FASTKD1: variants seen among roughly 807,000 people sequenced by gnomAD.
The protein encoded by FASTKD1 is FAST kinase domains 1.
Under a neutral mutation model 90.9 loss-of-function variants are expected in FASTKD1, and 94 were observed. That is an observed-to-expected ratio of 1.03 (90% CI 0.88 to 1.23). The LOEUF (loss-of-function observed/expected upper bound fraction) is 1.23, where lower values mean the gene tolerates loss of function less well. Among genes scored for constraint, FASTKD1 ranks in the 50% most tolerant of loss-of-function variants. FASTKD1 has a pLI of 0.00. For missense variants in FASTKD1, 945 were observed against 993.5 expected, an observed-to-expected ratio of 0.95 and a Z score of 0.66; for synonymous variants, 319 against 345.8, an observed-to-expected ratio of 0.92 and a Z score of 0.86.
chr2:169,544,743 C>CA lies in FASTKD1; in HGVS notation c.1793dup (p.Gln599AlafsTer4). ...TACCTAAGTAAGAATTAAGATGTTG[C>CA]ACGCAAGTTCCCAAAAATTCATCCC... On this transcript the variant is annotated frameshift_variant, in exon 9 of 15. Transcript: ENST00000453153. LOFTEE classifies it high-confidence loss of function. The CA allele has an allele frequency of 6.2e-7, 1 of 1,602,072 alleles. No individual in the cohort carries two copies. The highest frequency in any genetic ancestry group is 8.6e-7 in the Non-Finnish European group (1 of 1,169,466).
chr2:169,566,777 G>C (rs1684007917), intron 3 of FASTKD1, among the ~76,000 whole-genome samples: 1 of 152,080 alleles, frequency 6.6e-6, no homozygotes, highest in Admixed American at 6.6e-5. Flanking sequence ...TCATCATATA[G>C]TACTAATCCA....
rs1182047712 is a variant in FASTKD1 at position 169,529,161 on chromosome 2, T to C, written c.*664A>G. Among the ~76,000 whole-genome samples, 1 of 152,134 alleles carries C rather than the reference T, an allele frequency of 6.6e-6. No individual in the cohort carries two copies. The highest frequency in any genetic ancestry group is 1.9e-4 in the East Asian group (1 of 5,198). On this transcript the variant is annotated 3_prime_UTR_variant, in exon 15 of 15. Coordinates refer to ENST00000453153, the MANE Select transcript of FASTKD1 (RefSeq NM_024622.6). The stretch of plus-strand genomic sequence containing the variant: ...TTTAAAAGACATCACAAACTCAACA[T>C]ATCTAAAACAAACTTGTGATCAACC...
At chr2:169,570,252 TGAA>T (rs1559162967) in intron 2 of FASTKD1, among the ~76,000 whole-genome samples, 56 of 152,252 alleles carry the variant, frequency 3.7e-4, no homozygotes, top group Non-Finnish European at 6.8e-4. Flanking sequence ...GTACAACTGC[TGAA>T]GCCTTCATTC....
intron 4 of FASTKD1, 56 bp from the exon 5 acceptor site, chr2:169,560,841 T>TAA: frequency 2.2e-6 from 1 of 454,572 alleles, no homozygotes; most frequent in African/African-American, 2.3e-5. Context: ...GATCAATTCT[T>TAA]TTTTTTTTTT....
chr2:169,531,005 T>G (rs572910286), intron 13 of FASTKD1: 1 of 664,068 alleles, frequency 1.5e-6, no homozygotes, highest in Non-Finnish European at 2.8e-6. Context: ...GCTTATAGTC[T>G]AACAGAGAAC....
At chr2:169,541,232 A>T (rs899729689) in intron 9 of FASTKD1, among the ~76,000 whole-genome samples, 9 of 152,250 alleles carry the variant, frequency 5.9e-5, no homozygotes, top group Non-Finnish European at 1.2e-4. Flanking sequence ...AGGAATTTTT[A>T]AAACTTTCTC....
chr2:169,530,572 A>T lies in FASTKD1; in HGVS notation c.2442+15T>A. The T allele has an allele frequency of 1.4e-6, 2 of 1,457,182 alleles. No individual in the cohort carries two copies. The highest frequency in any genetic ancestry group is 9.5e-7 in the Non-Finnish European group (1 of 1,053,522). The allele number at this position is 1,457,182 out of a possible 1,614,324, so 90.3% of individuals were successfully genotyped here. ...CTGGGCTTTTTAGAGGCTGAATTAC[A>T]TGAGTATTTCATACCTGAATTACAC... On this transcript the variant is annotated intron_variant, in intron 14 of 14. Transcript: ENST00000453153.
chr2:169,562,068 G>T (rs796903328), intron 4 of FASTKD1, among the ~76,000 whole-genome samples: 4,855 of 115,588 alleles, frequency 0.042, 1,948 homozygotes, highest in East Asian at 0.2. Flanking sequence ...TTAATTTATT[G>T]TAAAATAATT....
Position 169,560,618 on chromosome 2 carries a change from G to A in FASTKD1, c.740C>T (p.Pro247Leu), listed in dbSNP as rs147305776. The change falls in exon 5 of 15, where the codon CCA becomes CTA. Residue 247 changes from proline (P) to leucine (L), a missense_variant. Coordinates refer to ENST00000453153, the MANE Select transcript of FASTKD1 (RefSeq NM_024622.6). ...TACGTTATTACATCTTTCTAATAGT[G>A]GTTGATAACGATATCTAACATTTCG... is the stretch of plus-strand genomic sequence containing the variant. ...FLRNVRYRYQ[P>L]LLERCNNVFL... The A allele has an allele frequency of 2.5e-6, 4 of 1,611,794 alleles. No individual in the cohort carries two copies. The highest frequency in any genetic ancestry group is 1.1e-5 in the South Asian group (1 of 90,460).
chr2:169,552,002 G>C (rs1685511133), intron 7 of FASTKD1, among the ~76,000 whole-genome samples: 1 of 152,118 alleles, frequency 6.6e-6, no homozygotes, highest in South Asian at 2.1e-4. Flanking sequence ...TGGGTTCTTT[G>C]AGCTGTTTCA....
intron 5 of FASTKD1, among the ~76,000 whole-genome samples, chr2:169,559,469 G>T (rs1683484449): frequency 6.6e-6 from 1 of 152,018 alleles, no homozygotes; most frequent in African/African-American, 2.4e-5. Context: ...TTCATTCTGT[G>T]CCCAGGCTGG....
chr2:169,557,548 G>A (rs904781780), intron 5 of FASTKD1, among the ~76,000 whole-genome samples: 1 of 151,984 alleles, frequency 6.6e-6, no homozygotes, highest in African/African-American at 2.4e-5. Flanking sequence ...AAAAATACAG[G>A]TAAAAGATAT....
Position 169,560,741 on chromosome 2 carries a change from C to G in FASTKD1, c.617G>C (p.Arg206Pro). The change falls in exon 5 of 15, where the codon CGA (arginine) becomes CCA (proline). Residue 206 changes from arginine (R) to proline (P), a missense_variant. By Grantham distance (103) the Arg-to-Pro change is moderately radical. Coordinates refer to ENST00000453153, the MANE Select transcript of FASTKD1 (RefSeq NM_024622.6). ...LMVNISSLIS[R>P]HFQQQLVNKT... ...GTTCACCAGTTGTTGTTGAAAATGT[C>G]GTGATATTAAAGAAGATATGTTGAC... 2 of 1,590,514 alleles carry G rather than the reference C, an allele frequency of 1.3e-6. No homozygotes were observed. The highest frequency in any genetic ancestry group is 1.7e-6 in the Non-Finnish European group (2 of 1,171,444).
chr2:169,559,188 G>T (rs1683472530), intron 5 of FASTKD1, among the ~76,000 whole-genome samples: 2 of 151,510 alleles, frequency 1.3e-5, no homozygotes, highest in Non-Finnish European at 2.9e-5. Flanking sequence ...GGTCTGGGTG[G>T]TCTTGAACTC....
At chr2:169,570,386 A>T (rs1015604191) in intron 2 of FASTKD1, among the ~76,000 whole-genome samples, 2 of 152,046 alleles carry the variant, frequency 1.3e-5, no homozygotes, top group Non-Finnish European at 2.9e-5. Context: ...CTGGAATGTA[A>T]TATTTCTTAA....
chr2:169,549,188 A>T (rs978335033), intron 7 of FASTKD1, among the ~76,000 whole-genome samples: 2 of 152,186 alleles, frequency 1.3e-5, no homozygotes, highest in East Asian at 3.9e-4. Flanking sequence ...TGAGGTCGGG[A>T]GTTCGAGACC....
intron 2 of FASTKD1, 40 bp downstream of exon 2, chr2:169,571,613 T>A (rs758626212): frequency 8.1e-7 from 1 of 1,233,388 alleles, no homozygotes; most frequent in Non-Finnish European, 1.1e-6. Flanking sequence ...AAATGTAAAC[T>A]ATATAATCAT....
chr2:169,569,013 A>C (rs2683446), intron 3 of FASTKD1, among the ~76,000 whole-genome samples, 171 bp downstream of exon 3: 95,318 of 149,976 alleles, frequency 0.64, 31,348 homozygotes, highest in East Asian at 0.95. Flanking sequence ...AAAAAAAAAA[A>C]AACAACAACA....
At chr2:169,552,013 G>C (rs1163771696) in intron 7 of FASTKD1, among the ~76,000 whole-genome samples, 1 of 152,084 alleles carries the variant, frequency 6.6e-6, no homozygotes, top group African/African-American at 2.4e-5. Context: ...AGCTGTTTCA[G>C]GACCTAGGAC....
Sources: gnomAD v4.1 joint callset for allele counts (sites outside exome capture counted in the v4.1 genomes callset) on GRCh38, gnomAD v4.1.1 for gene constraint, MANE v1.5 for transcripts, NCBI Gene and HGNC (gene_info 2026-07-23, HGNC 2026-07-21) for gene names.